Variants in EDA observed in about 807,000 individuals in gnomAD.
EDA encodes ectodysplasin-A.
Under a neutral mutation model 23.6 loss-of-function variants are expected in EDA, and 2 were observed. The ratio of observed to expected loss-of-function variants is 0.08; its 90% CI spans 0.03 to 0.27. EDA has a LOEUF of 0.27. EDA is among the 10% of genes least tolerant of loss of function. EDA has a pLI of 1.00. For synonymous variants in EDA, 131 were observed against 132.0 expected (o/e 0.99, Z 0.05); for missense variants, 229 against 324.2 (o/e 0.71, Z 2.26).
chrX:69,689,707 T>C (rs1259854604), intron 1 of EDA, among the ~76,000 whole-genome samples: 1 of 111,313 alleles, frequency 9.0e-6, no homozygotes, highest in Non-Finnish European at 1.9e-5. Flanking sequence ...AATTTTAAGA[T>C]CAGCCTGTAT....
At chrX:69,890,310 T>C (rs915290534) in intron 1 of EDA, among the ~76,000 whole-genome samples, 1 of 110,676 alleles carries the variant, frequency 9.0e-6, no homozygotes, top group African/African-American at 3.3e-5. Flanking sequence ...CCCAGAGCAA[T>C]TTAAAGATTC....
chrX:69,795,288 A>T (rs2015514985), intron 1 of EDA, among the ~76,000 whole-genome samples: 1 of 111,971 alleles, frequency 8.9e-6, no homozygotes, highest in Non-Finnish European at 1.9e-5. Flanking sequence ...AGCCTCTCAA[A>T]GTGCTACGAT....
At chrX:69,839,273 A>G (rs1368737098) in intron 1 of EDA, among the ~76,000 whole-genome samples, 2 of 111,851 alleles carry the variant, frequency 1.8e-5, no homozygotes, top group East Asian at 2.8e-4. Context: ...TCTTAGAAAA[A>G]TGAGTTTCTT....
At chrX:69,798,817 A>G (rs1267443004) in intron 1 of EDA, among the ~76,000 whole-genome samples, 1 of 111,393 alleles carries the variant, frequency 9.0e-6, no homozygotes, top group East Asian at 2.8e-4. Context: ...AAAAAAATAC[A>G]AAGGATCAAT....
At chrX:69,726,115 A>G (rs1332436638) in intron 1 of EDA, among the ~76,000 whole-genome samples, 1 of 112,229 alleles carries the variant, frequency 8.9e-6, no homozygotes, top group African/African-American at 3.2e-5. Flanking sequence ...AGAGAAAAGG[A>G]AAGTACAGTG....
chrX:69,690,013 A>G (rs1934664311), intron 1 of EDA, among the ~76,000 whole-genome samples: 1 of 111,462 alleles, frequency 9.0e-6, no homozygotes, highest in African/African-American at 3.3e-5. Context: ...TTGACCTTGT[A>G]TACTGCAAAC....
intron 1 of EDA, among the ~76,000 whole-genome samples, chrX:69,732,615 A>G (rs1187850658): frequency 8.9e-6 from 1 of 112,210 alleles, no homozygotes; most frequent in Non-Finnish European, 1.9e-5. Context: ...GTATGTACCC[A>G]GTAATGGGAT....
chrX:69,865,801 C>T lies in EDA; in HGVS notation c.397-91226C>T, dbSNP rs1003330802. Among the ~76,000 whole-genome samples, 21 of 111,940 alleles carry T rather than the reference C, an allele frequency of 1.9e-4. 1 individual carries two copies. The highest frequency in any genetic ancestry group is 6.5e-4 in the African/African-American group (20 of 30,766). On this transcript the variant is annotated intron_variant, in intron 1 of 7. Coordinates refer to ENST00000374552, the MANE Select transcript of EDA (RefSeq NM_001399.5). ...CACCTAACATAATACAACTGTCCTT[C>T]GTACAACTGGAATTGCACCAATCCC...
chrX:69,836,782 G>A (rs2016787142), intron 1 of EDA, among the ~76,000 whole-genome samples: 1 of 111,876 alleles, frequency 8.9e-6, no homozygotes, highest in South Asian at 3.7e-4. Flanking sequence ...AGGTACCTCA[G>A]CTGGAAATGC....
chrX:69,997,773 A>G (rs1191135178), intron 2 of EDA, among the ~76,000 whole-genome samples: 1 of 112,426 alleles, frequency 8.9e-6, no homozygotes, highest in African/African-American at 3.2e-5. Context: ...CCACTCTAGC[A>G]GTGGCTAAAA....
chrX:69,778,798 T>C (rs2014859388), intron 1 of EDA, among the ~76,000 whole-genome samples: 1 of 111,439 alleles, frequency 9.0e-6, no homozygotes, highest in African/African-American at 3.3e-5. Flanking sequence ...CATGAACCTT[T>C]AGAATGATGG....
At chrX:69,681,168 G>C (rs755161836) in intron 1 of EDA, among the ~76,000 whole-genome samples, 1 of 111,447 alleles carries the variant, frequency 9.0e-6, no homozygotes, top group Non-Finnish European at 1.9e-5. Context: ...CTTCTGGCTT[G>C]TAGAGTTTCT....
chrX:69,655,161 C>T (rs779202740), intron 1 of EDA, among the ~76,000 whole-genome samples: 1 of 111,585 alleles, frequency 9.0e-6, no homozygotes, highest in East Asian at 2.8e-4. Flanking sequence ...TTTGGGAGGC[C>T]GAGTTGGGCA....
At chrX:69,801,045 C>A (rs913812110) in intron 1 of EDA, among the ~76,000 whole-genome samples, 2 of 111,961 alleles carry the variant, frequency 1.8e-5, no homozygotes, top group South Asian at 7.4e-4. Context: ...GACACCTAAG[C>A]AGAATGAAGA....
chrX:69,731,521 A>C (rs1206292662), intron 1 of EDA, among the ~76,000 whole-genome samples: 3 of 109,051 alleles, frequency 2.8e-5, no homozygotes, highest in Admixed American at 9.9e-5. Context: ...GGCTCACTGC[A>C]ACCTCCGCCT....
chrX:69,783,316 T>G (rs764095715), intron 1 of EDA, among the ~76,000 whole-genome samples: 1 of 110,798 alleles, frequency 9.0e-6, no homozygotes, highest in South Asian at 3.9e-4. Context: ...CTTTAAGTTT[T>G]AGGGTACATG....
chrX:70,028,502 G>A (rs752484252), intron 4 of EDA, among the ~76,000 whole-genome samples: 13 of 112,428 alleles, frequency 1.2e-4, no homozygotes, highest in Non-Finnish European at 2.3e-4. Flanking sequence ...CCCTAGGATA[G>A]TTTCATCTTG....
At chrX:69,949,772 G>A (rs1020108044) in intron 1 of EDA, among the ~76,000 whole-genome samples, 4 of 111,663 alleles carry the variant, frequency 3.6e-5, no homozygotes, top group African/African-American at 1.3e-4. Context: ...TAAGAGGTGA[G>A]GCCTTTAAGA....
At chrX:69,791,666 T>C (rs1343263757) in intron 1 of EDA, among the ~76,000 whole-genome samples, 1 of 111,567 alleles carries the variant, frequency 9.0e-6, no homozygotes, top group Non-Finnish European at 1.9e-5. Flanking sequence ...CTTTTGGAGA[T>C]GGAGTTTCAC....
Sources: gnomAD v4.1 joint callset for allele counts (sites outside exome capture counted in the v4.1 genomes callset) on GRCh38, gnomAD v4.1.1 for gene constraint, MANE v1.5 for transcripts, NCBI Gene and HGNC (gene_info 2026-07-23, HGNC 2026-07-21) for gene names.